Variants in RANBP2 observed in about 807,000 individuals in gnomAD.
RANBP2 encodes RAN binding protein 2.
A neutral mutation model predicts 303.6 loss-of-function variants in RANBP2; 57 were observed. The observed-to-expected ratio is 0.19, with a 90% CI of 0.15 to 0.23. The LOEUF is 0.23. Among genes scored for constraint, RANBP2 ranks in the 10% least tolerant of loss-of-function variants. RANBP2 has a pLI of 1.00. For synonymous variants in RANBP2, 1,167 were observed against 1,301.5 expected, an observed-to-expected ratio of 0.90 and a Z score of 2.23; for missense variants, 3,138 against 3,780.8, an observed-to-expected ratio of 0.83 and a Z score of 4.46.
the RANBP2 span, among the ~76,000 whole-genome samples, chr2:109,521,923 A>G: frequency 6.6e-6 from 1 of 151,462 alleles, no homozygotes; most frequent in Non-Finnish European, 1.5e-5. Context: ...ATGGGGAGGG[A>G]GGGGTCGCAG....
chr2:109,235,691 A>G, the RANBP2 span, among the ~76,000 whole-genome samples: 1,952 of 152,274 alleles, frequency 0.013, 20 homozygotes, highest in South Asian at 0.024. Flanking sequence ...CTACCAACAT[A>G]AAGATTGAAG....
chr2:108,788,953 G>T (rs773195278), downstream of RANBP2: 2 of 1,613,834 alleles, frequency 1.2e-6, no homozygotes, highest in East Asian at 4.5e-5. Context: ...ATTCAAGCAC[G>T]TAAATGTGAA....
At chr2:109,405,434 G>A in the RANBP2 span, among the ~76,000 whole-genome samples, 2 of 152,110 alleles carry the variant, frequency 1.3e-5, no homozygotes, top group African/African-American at 2.4e-5. Context: ...CTGGCCCTTG[G>A]TTGCCTCTCC....
At chr2:108,786,969 C>G (rs768149635), downstream of RANBP2, 8 of 1,259,034 alleles carry the variant, frequency 6.4e-6, no homozygotes, top group Non-Finnish European at 7.3e-6. Context: ...GGGGGCGGCC[C>G]GCTCCGTGCC....
At chr2:109,673,191 C>T in the RANBP2 span, among the ~76,000 whole-genome samples, 1 of 152,122 alleles carries the variant, frequency 6.6e-6, no homozygotes, top group Non-Finnish European at 1.5e-5. Flanking sequence ...AGCTGTGGAG[C>T]CTAACTCTAT....
chr2:109,660,321 C>A, the RANBP2 span, among the ~76,000 whole-genome samples: 1 of 152,156 alleles, frequency 6.6e-6, no homozygotes, highest in Non-Finnish European at 1.5e-5. Flanking sequence ...ACCAAGTAAC[C>A]AATGGGACAT....
Position 108,735,707 on chromosome 2 carries a change from A to G in RANBP2, c.581A>G (p.Asn194Ser). 1.3e-6 allele frequency: 2 copies of G among 1,597,626 alleles called. No individual in the cohort carries two copies. The highest frequency in any genetic ancestry group is 1.7e-6 in the Non-Finnish European group (2 of 1,179,786). Reference sequence around the variant, plus strand: ...GCCCACTGCCATGAGGCAGAGAGGAACATAGCTTTGCGTTCAAGTTTAGAA... The same window carrying G: ...GCCCACTGCCATGAGGCAGAGAGGAGCATAGCTTTGCGTTCAAGTTTAGAA... ...AVAHCHEAER[N>S]IALRSSLEWN... Residue 194 changes from asparagine (N) to serine (S), a missense_variant, in exon 5 of 29, where the codon AAC becomes AGC. This residue lies in a region of RANBP2 where 306 missense variants were observed against 381.9 expected (regional missense o/e 0.80). Transcript: ENST00000283195.
the RANBP2 span, chr2:109,564,337 T>G: frequency 5.4e-6 from 8 of 1,495,228 alleles, no homozygotes; most frequent in Middle Eastern, 2.2e-4. Flanking sequence ...ACTTCCTCTT[T>G]GGTTGGCTTC....
At chr2:108,919,342 C>A in the RANBP2 span, among the ~76,000 whole-genome samples, 1 of 152,140 alleles carries the variant, frequency 6.6e-6, no homozygotes, top group Non-Finnish European at 1.5e-5. Context: ...CTTTCATTAA[C>A]CCTCTGACCG....
At chr2:109,560,286 G>T in the RANBP2 span, among the ~76,000 whole-genome samples, 3 of 152,154 alleles carry the variant, frequency 2.0e-5, no homozygotes, top group Non-Finnish European at 4.4e-5. Flanking sequence ...TGTCAAGGAA[G>T]CACCTCTGTA....
At chr2:109,070,571 G>T in the RANBP2 span, among the ~76,000 whole-genome samples, 2 of 152,244 alleles carry the variant, frequency 1.3e-5, no homozygotes, top group Non-Finnish European at 2.9e-5. Context: ...GTTTTAAAGA[G>T]TATGGTGGCC....
the RANBP2 span, among the ~76,000 whole-genome samples, chr2:109,318,243 T>C: frequency 2.0e-5 from 3 of 151,988 alleles, no homozygotes; most frequent in African/African-American, 7.2e-5. Context: ...GAAGAATCAC[T>C]TTGAAATTTG....
chr2:109,317,394 C>T, the RANBP2 span, among the ~76,000 whole-genome samples: 1 of 152,108 alleles, frequency 6.6e-6, no homozygotes, highest in Non-Finnish European at 1.5e-5. Flanking sequence ...AGGTCTGGGG[C>T]TCTTTTTCCC....
the RANBP2 span, among the ~76,000 whole-genome samples, chr2:109,523,643 T>C: frequency 6.6e-6 from 1 of 152,168 alleles, no homozygotes; most frequent in East Asian, 1.9e-4. Context: ...ACTGGACACA[T>C]GAGCCGCTGA....
chr2:109,655,238 C>G, the RANBP2 span, among the ~76,000 whole-genome samples: 1 of 152,154 alleles, frequency 6.6e-6, no homozygotes, highest in Non-Finnish European at 1.5e-5. Flanking sequence ...ATATGTCCTG[C>G]CAGGTGGCCA....
chr2:109,301,335 CGTGT>C, the RANBP2 span, among the ~76,000 whole-genome samples: 4 of 132,082 alleles, frequency 3.0e-5, no homozygotes, highest in African/African-American at 7.8e-5. Flanking sequence ...ATCTGTGTGA[CGTGT>C]GTGTGTGTGT....
At chr2:109,416,904 CAAAA>C in the RANBP2 span, among the ~76,000 whole-genome samples, 1 of 64,386 alleles carries the variant, frequency 1.6e-5, no homozygotes, top group Admixed American at 1.8e-4. Flanking sequence ...GACTTCATCT[CAAAA>C]AAAAAAAAAA....
the RANBP2 span, among the ~76,000 whole-genome samples, chr2:108,974,329 C>CAAAAAAA: frequency 3.3e-5 from 2 of 61,526 alleles, no homozygotes; most frequent in African/African-American, 1.3e-4. Context: ...GGATCCGTCT[C>CAAAAAAA]AAAAAAAAAA....
At chr2:108,937,008 G>GC in the RANBP2 span, among the ~76,000 whole-genome samples, 1 of 152,180 alleles carries the variant, frequency 6.6e-6, no homozygotes, top group Non-Finnish European at 1.5e-5. Context: ...GGCAGGGGAG[G>GC]CCCCCCACAG....
Sources: allele counts gnomAD v4.1 joint callset (sites outside exome capture counted in the v4.1 genomes callset), GRCh38; gene constraint gnomAD v4.1.1; regional missense constraint gnomAD v4.1.1; transcripts MANE v1.5; gene names NCBI Gene and HGNC (gene_info 2026-07-23, HGNC 2026-07-21).